THRB: variants seen among roughly 807,000 people sequenced by gnomAD.
The protein encoded by THRB is nuclear receptor subfamily 1 group A member 2.
THRB carries 12 observed loss-of-function variants against 47.8 expected under a neutral mutation model. That is an observed-to-expected ratio of 0.25 (90% CI 0.16 to 0.41). THRB has a LOEUF of 0.41. Among genes scored for constraint, THRB ranks in the 10% least tolerant of loss-of-function variants. The pLI is 1.00. For missense variants in THRB, 348 were observed against 589.2 expected (o/e 0.59, Z 4.24); for synonymous variants, 218 against 212.2 (o/e 1.03, Z -0.24).
At chr3:24,296,466 G>A (rs950592674) in intron 3 of THRB, among the ~76,000 whole-genome samples, 1 of 152,244 alleles carries the variant, frequency 6.6e-6, no homozygotes, top group Non-Finnish European at 1.5e-5. Context: ...ATTACGTGGT[G>A]TGACCCCTAC....
chr3:24,272,347 A>AAAAAACAAC (rs2053427624), intron 3 of THRB, among the ~76,000 whole-genome samples: 2 of 149,764 alleles, frequency 1.3e-5, no homozygotes, highest in South Asian at 2.1e-4. Context: ...CTCTCTCTCA[A>AAAAAACAAC]AACAACAACA....
intron 1 of THRB, among the ~76,000 whole-genome samples, chr3:24,359,475 A>G (rs892955875): frequency 1.3e-5 from 2 of 152,132 alleles, no homozygotes; most frequent in Non-Finnish European, 2.9e-5. Context: ...TCTCTCAGTC[A>G]GTGAAGTCAC....
At chr3:24,341,275 A>T (rs918576681) in intron 1 of THRB, among the ~76,000 whole-genome samples, 1 of 134,936 alleles carries the variant, frequency 7.4e-6, no homozygotes, top group Non-Finnish European at 1.5e-5. Flanking sequence ...TTTGTCACAC[A>T]GGCTGGAGTG....
chr3:24,124,431 G>A (rs2032325924), intron 10 of THRB, among the ~76,000 whole-genome samples: 1 of 152,068 alleles, frequency 6.6e-6, no homozygotes, highest in South Asian at 2.1e-4. Flanking sequence ...CCAAATAGAA[G>A]ATCAACATAT....
intron 1 of THRB, among the ~76,000 whole-genome samples, chr3:24,361,589 A>C (rs1239975943): frequency 6.6e-6 from 1 of 152,170 alleles, no homozygotes; most frequent in Non-Finnish European, 1.5e-5. Flanking sequence ...CTCAGTGATT[A>C]AGGAAAACCA....
At chr3:24,406,034 C>A (rs956403507) in intron 1 of THRB, among the ~76,000 whole-genome samples, 53 of 151,520 alleles carry the variant, frequency 3.5e-4, no homozygotes, top group African/African-American at 1.3e-3. Flanking sequence ...CTAACAAGTA[C>A]ACTTTGATTT....
intron 1 of THRB, among the ~76,000 whole-genome samples, chr3:24,383,910 T>C (rs1299789312): frequency 3.3e-5 from 5 of 152,304 alleles, no homozygotes; most frequent in African/African-American, 7.2e-5. Context: ...GCACCTTTTC[T>C]TGATGGAACT....
chr3:24,434,574 C>T (rs1268471820), intron 1 of THRB, among the ~76,000 whole-genome samples: 1 of 152,196 alleles, frequency 6.6e-6, no homozygotes, highest in East Asian at 1.9e-4. Context: ...TAAATGCAAA[C>T]ATTCCTACTG....
intron 3 of THRB, among the ~76,000 whole-genome samples, chr3:24,263,617 C>T (rs919698137): frequency 2.0e-5 from 3 of 147,062 alleles, no homozygotes; most frequent in African/African-American, 2.6e-5. Context: ...GGGTTACAGG[C>T]CTTTTTTTTT....
At position 24,311,899 on chromosome 3, in the gene THRB, G is replaced by C. The variant is rs1446630131; in HGVS notation, c.-188-14528C>G. Among the ~76,000 whole-genome samples the C allele has an allele frequency of 3.3e-5, 5 of 152,182 alleles. No homozygotes were observed. In the South Asian group the frequency reaches 8.3e-4, roughly 25 times the overall value. ...CTCATTTACTAGTAGTAGGTCCAAA[G>C]ACCTTGCAATGGCTTATAAGGCTTT... On this transcript the variant is annotated intron_variant, in intron 2 of 10. Coordinates refer to ENST00000646209, the MANE Select transcript of THRB (RefSeq NM_001354712.2).
At position 24,121,064 on chromosome 3, in the gene THRB, G is replaced by A. The variant is rs1035490082; in HGVS notation, c.*1820C>T. The A allele has an allele frequency of 1.3e-5, 2 of 151,966 alleles. No homozygotes were observed. The allele number at this position is 151,966 out of a possible 1,614,324, so 9.4% of individuals were successfully genotyped here. A position where few individuals can be genotyped will look rare whatever the true frequency, so the allele number is the denominator to read the frequency against. On this transcript the variant is annotated 3_prime_UTR_variant, in exon 11 of 11. Transcript: ENST00000646209. ...CAAATTTACGTTCCTTAACTGTTAAGTGGGCCATACTTCTTGTCTAATAAA... is the reference window on the plus strand; with the variant it reads ...CAAATTTACGTTCCTTAACTGTTAAATGGGCCATACTTCTTGTCTAATAAA...
intron 1 of THRB, among the ~76,000 whole-genome samples, chr3:24,382,681 C>G (rs2065805882): frequency 6.6e-6 from 1 of 151,976 alleles, no homozygotes; most frequent in Non-Finnish European, 1.5e-5. Flanking sequence ...AGAGAGAAGC[C>G]ATCTATATCC....
intron 3 of THRB, among the ~76,000 whole-genome samples, chr3:24,290,346 G>C (rs182577951): frequency 2.0e-5 from 3 of 152,256 alleles, no homozygotes; most frequent in East Asian, 3.9e-4. Flanking sequence ...TGCAAACAAC[G>C]GAGAGGCACC....
In THRB at chr3:24,299,789, A is replaced by AT. The variant is rs66468679; in HGVS notation, c.-188-2419dup. On this transcript the variant is annotated intron_variant, in intron 2 of 10. Transcript: ENST00000646209. ...TGCTTTTTTATTTATTTATTTATTT[A>AT]TTTTTTTTTTTTTAGCAAACATACC... 1.1e-3 allele frequency among the ~76,000 whole-genome samples: 78 copies of AT among 69,082 alleles called. 2 individuals carry two copies. Among genetic ancestry groups the AT allele is most frequent in the South Asian group, 0.011 (23 of 2,132 alleles). The allele number at this position is 69,082 out of a possible 152,430, so 45.3% of individuals were successfully genotyped here.
chr3:24,372,830 T>C (rs1055003901), intron 1 of THRB, among the ~76,000 whole-genome samples: 2 of 152,078 alleles, frequency 1.3e-5, no homozygotes, highest in Admixed American at 6.6e-5. Flanking sequence ...GCTTAGTCTA[T>C]CACCATAAAA....
intron 1 of THRB, among the ~76,000 whole-genome samples, chr3:24,421,939 C>T (rs1393923843): frequency 6.6e-6 from 1 of 151,884 alleles, no homozygotes; most frequent in African/African-American, 2.4e-5. Context: ...GTGATTTGCT[C>T]CAAGGCGCAT....
chr3:24,322,296 T>C (rs2058537662), intron 2 of THRB, among the ~76,000 whole-genome samples: 1 of 152,186 alleles, frequency 6.6e-6, no homozygotes, highest in Non-Finnish European at 1.5e-5. Context: ...TTCTATTCTT[T>C]CAAATTAAAA....
intron 4 of THRB, among the ~76,000 whole-genome samples, chr3:24,212,081 T>G (rs532230479): frequency 6.6e-6 from 1 of 151,992 alleles, no homozygotes. Context: ...CTGGCCAACA[T>G]GGTGAAACCC....
intron 1 of THRB, among the ~76,000 whole-genome samples, chr3:24,396,715 T>C (rs1437204289): frequency 6.6e-6 from 1 of 152,114 alleles, no homozygotes; most frequent in Non-Finnish European, 1.5e-5. Flanking sequence ...TAAAGCAGTG[T>C]TCAAAAAGGT....
Sources: gnomAD v4.1 joint callset for allele counts (sites outside exome capture counted in the v4.1 genomes callset) on GRCh38, gnomAD v4.1.1 for gene constraint, MANE v1.5 for transcripts, NCBI Gene and HGNC (gene_info 2026-07-23, HGNC 2026-07-21) for gene names.